The following PBX4 variants were observed in gnomAD, a reference collection of about 807,000 sequenced individuals.
PBX4 encodes pre-B-cell leukemia transcription factor 4.
In PBX4, 26 loss-of-function variants were observed where a neutral mutation model predicts 35.1. That is an observed-to-expected ratio of 0.74 (90% CI 0.54 to 1.03). The LOEUF is 1.03. Among genes scored for constraint, PBX4 ranks in the 50% least tolerant of loss-of-function variants. The probability of loss-of-function intolerance (pLI) is 0.00; values close to 1 mark genes in which losing one functional copy is unlikely to be tolerated. For missense variants in PBX4, 448 were observed against 504.3 expected, an observed-to-expected ratio of 0.89 and a Z score of 1.07; for synonymous variants, 199 against 204.2, an observed-to-expected ratio of 0.97 and a Z score of 0.22.
chr19:19,618,396 C>T lies in PBX4; in HGVS notation c.119+115G>A, dbSNP rs140855154. 2.2e-3 allele frequency: 2,203 copies of T among 990,548 alleles called. 4 individuals are homozygous for T. Among genetic ancestry groups the T allele is most frequent in the Non-Finnish European group, 2.6e-3 (1,958 of 757,696 alleles). The allele number at this position is 990,548 out of a possible 1,614,324, so 61.4% of individuals were successfully genotyped here. A position where few individuals can be genotyped will look rare whatever the true frequency, so the allele number is the denominator to read the frequency against. ...TACATCCCTTCGTCCTCGGGACCCCCCTCCAGCCCTCCTCAAGCGCCCCTC... is the reference window on the plus strand; with the variant it reads ...TACATCCCTTCGTCCTCGGGACCCCTCTCCAGCCCTCCTCAAGCGCCCCTC... On this transcript the variant is annotated intron_variant, in intron 1 of 7. Transcript: ENST00000251203.
chr19:19,571,468 G>C (rs1448543245), intron 2 of PBX4, among the ~76,000 whole-genome samples: 1 of 152,246 alleles, frequency 6.6e-6, no homozygotes, highest in African/African-American at 2.4e-5. Context: ...CAGCTCTGCA[G>C]AGAGGGGACC....
rs1278957861 is a variant in PBX4, at chr19:19,563,732, G to A, written c.926-117C>T. On this transcript the variant is annotated intron_variant, in intron 6 of 7. Transcript: ENST00000251203. The surrounding 1 kb of genome is among the most constrained non-coding windows in gnomAD (Gnocchi z 5.1). ...TGGCTCCTGCCCCTCCTCAGCATCC[G>A]GCCTCTGCTCCTCAGCCCCCACCCA... is the stretch of plus-strand genomic sequence containing the variant. 3.5e-6 allele frequency: 3 copies of A among 854,214 alleles called. No individual in the cohort carries two copies. Among genetic ancestry groups the A allele is most frequent in the African/African-American group, 3.4e-5 (2 of 59,430 alleles). The allele number at this position is 854,214 out of a possible 1,614,324, so 52.9% of individuals were successfully genotyped here.
intron 2 of PBX4, among the ~76,000 whole-genome samples, chr19:19,596,907 T>G (rs2061564629): frequency 7.9e-6 from 1 of 126,102 alleles, no homozygotes; most frequent in Admixed American, 8.6e-5. Context: ...TGAGACCCTG[T>G]CTCCAAAAAA....
rs2061372468 is a variant in PBX4 at position 19,570,200 on chromosome 19, T to C, written c.541A>G (p.Ile181Val). Residue 181 changes from isoleucine (I) to valine (V), a missense_variant, in exon 4 of 8, where the codon ATT becomes GTT. Coordinates refer to ENST00000251203, the MANE Select transcript of PBX4 (RefSeq NM_025245.3). ...PKEIERMVGAIHGKFSAIQMQ... is the reference protein window; with the variant it reads ...PKEIERMVGAVHGKFSAIQMQ... ...TGGATGGCGCTGAACTTGCCGTGAA[T>C]GGCGCCGACCATGCGCTCAATCTCC... 3.1e-6 allele frequency: 5 copies of C among 1,614,126 alleles called. No homozygotes were observed. The East Asian group carries it at 1.1e-4, about 36-fold the overall frequency.
chr19:19,569,520 G>A lies in PBX4; in HGVS notation c.697C>T (p.Leu233=). The A allele has an allele frequency of 9.3e-6, 15 of 1,614,046 alleles. No homozygotes were observed. Among genetic ancestry groups the A allele is most frequent in the Non-Finnish European group, 1.3e-5 (15 of 1,179,940 alleles). ...EVLNEYFYSH[L]NNPYPSEEAK... ...TCTTCGCTGGGGTAAGGGTTGTTCA[G>A]ATGGGAGTAAAAATACTCATTCAGC... The change falls in exon 5 of 8, where the codon CTG becomes TTG. Residue 233 remains leucine (L), a synonymous_variant. Coordinates refer to ENST00000251203, the MANE Select transcript of PBX4 (RefSeq NM_025245.3).
Position 19,563,637 on chromosome 19 carries a change from G to T in PBX4, c.926-22C>A. ...GAGCCTGGAAGAGATGGGAGCCGGG[G>T]TGGGCAGAGTCGTGGCGCCTCCTCA... On this transcript the variant is annotated intron_variant, in intron 6 of 7. Transcript: ENST00000251203. This position sits in a 1 kb window ranked among gnomAD's most constrained non-coding sequence, Gnocchi z 5.1. The T allele has an allele frequency of 6.5e-7, 1 of 1,542,950 alleles. No individual in the cohort carries two copies. The highest frequency in any genetic ancestry group is 8.8e-7 in the Non-Finnish European group (1 of 1,141,714).
intron 1 of PBX4, among the ~76,000 whole-genome samples, chr19:19,606,043 G>A (rs1432948333): frequency 1.3e-5 from 2 of 152,204 alleles, no homozygotes; most frequent in African/African-American, 4.8e-5. Flanking sequence ...TGAGGAAAAG[G>A]GGACTGACTA....
intron 2 of PBX4, among the ~76,000 whole-genome samples, chr19:19,576,275 G>A (rs1487262045): frequency 6.6e-6 from 1 of 152,120 alleles, no homozygotes; most frequent in African/African-American, 2.4e-5. Flanking sequence ...TGCCAGGCTG[G>A]AGTGCAGTGG....
intron 2 of PBX4, among the ~76,000 whole-genome samples, chr19:19,580,125 C>T (rs936488406): frequency 6.6e-6 from 1 of 152,350 alleles, no homozygotes; most frequent in East Asian, 1.9e-4. Context: ...ACAGCTTGCT[C>T]TGATCACACA....
intron 2 of PBX4, among the ~76,000 whole-genome samples, chr19:19,575,185 C>T (rs893272237): frequency 6.7e-6 from 1 of 149,028 alleles, no homozygotes; most frequent in African/African-American, 2.5e-5. Context: ...TGCAGTGAGC[C>T]GAGATTGCGC....
Position 19,563,215 on chromosome 19 carries a change from C to T in PBX4, c.1032+294G>A, listed in dbSNP as rs996187274. ...GAGGGAAGGACACCATGTCCTCCCA[C>T]AGTCCTCTAGGAGGTGCCCTTCCCC... On this transcript the variant is annotated intron_variant, in intron 7 of 7. Transcript: ENST00000251203. The surrounding 1 kb of genome is among the most constrained non-coding windows in gnomAD (Gnocchi z 5.1). Among the ~76,000 whole-genome samples the T allele has an allele frequency of 6.6e-6, 1 of 152,164 alleles. No individual in the cohort carries two copies. The highest frequency in any genetic ancestry group is 6.5e-5 in the Admixed American group (1 of 15,284).
intron 2 of PBX4, among the ~76,000 whole-genome samples, chr19:19,585,249 C>G (rs147482931): frequency 6.6e-6 from 1 of 151,610 alleles, no homozygotes; most frequent in Non-Finnish European, 1.5e-5. Flanking sequence ...CTCTTGAACC[C>G]GGGAGGCAGA....
intron 2 of PBX4, among the ~76,000 whole-genome samples, chr19:19,596,940 T>C (rs1418424759): frequency 6.9e-6 from 1 of 145,738 alleles, no homozygotes; most frequent in Non-Finnish European, 1.5e-5. Flanking sequence ...CCAGGTGTGA[T>C]GGCTCACGCC....
chr19:19,599,396 G>A, intron 1 of PBX4, 31 bp from the exon 2 acceptor site: 1 of 1,566,172 alleles, frequency 6.4e-7, no homozygotes, highest in Non-Finnish European at 8.8e-7. Context: ...GAGGGTGTGA[G>A]AAAAGAATAG....
chr19:19,602,360 G>A (rs1355001809), intron 1 of PBX4, among the ~76,000 whole-genome samples: 1 of 152,192 alleles, frequency 6.6e-6, no homozygotes, highest in African/African-American at 2.4e-5. Context: ...GGAGGAAGCG[G>A]AAGCAGCAAT....
chr19:19,594,591 G>A (rs1048286696), intron 2 of PBX4, among the ~76,000 whole-genome samples: 1 of 152,030 alleles, frequency 6.6e-6, no homozygotes, highest in Non-Finnish European at 1.5e-5. Context: ...ATCCACACAG[G>A]GGCAGATGGA....
intron 2 of PBX4, among the ~76,000 whole-genome samples, chr19:19,585,015 G>A (rs1261623586): frequency 6.6e-6 from 1 of 152,090 alleles, no homozygotes; most frequent in East Asian, 1.9e-4. Flanking sequence ...CAGCCTGTTT[G>A]TATTAAGAAC....
intron 2 of PBX4, among the ~76,000 whole-genome samples, chr19:19,575,442 A>T (rs940304188): frequency 3.3e-5 from 5 of 152,026 alleles, no homozygotes; most frequent in African/African-American, 4.8e-5. Context: ...GTGTTTGCCT[A>T]TTCCTCGTAA....
chr19:19,598,553 C>T (rs927762588), intron 2 of PBX4, among the ~76,000 whole-genome samples: 2 of 152,100 alleles, frequency 1.3e-5, no homozygotes, highest in Admixed American at 1.3e-4. Flanking sequence ...GCCTCGGCCT[C>T]CCAAAGTACT....
Sources: allele counts gnomAD v4.1 joint callset (sites outside exome capture counted in the v4.1 genomes callset), GRCh38; gene constraint gnomAD v4.1.1; non-coding constraint Gnocchi (gnomAD v3.1); transcripts MANE v1.5; gene names NCBI Gene and HGNC (gene_info 2026-07-23, HGNC 2026-07-21).